The following PITPNC1 variants were observed in gnomAD, a reference collection of about 807,000 sequenced individuals.
PITPNC1 encodes the protein phosphatidylinositol transfer protein cytoplasmic 1, also known as cytoplasmic phosphatidylinositol transfer protein 1.
In PITPNC1, 18 loss-of-function variants were observed where a neutral mutation model predicts 44.7. The ratio of observed to expected loss-of-function variants is 0.40; its 90% CI spans 0.28 to 0.60. The LOEUF (loss-of-function observed/expected upper bound fraction) is 0.60. PITPNC1 is among the 20% of genes least tolerant of loss of function. PITPNC1 has a pLI of 0.39. For missense variants in PITPNC1, 290 were observed against 418.4 expected, an observed-to-expected ratio of 0.69 and a Z score of 2.68; for synonymous variants, 141 against 149.6, an observed-to-expected ratio of 0.94 and a Z score of 0.42.
chr17:67,435,764 A>G (rs1047472813), intron 1 of PITPNC1, among the ~76,000 whole-genome samples: 1 of 152,158 alleles, frequency 6.6e-6, no homozygotes, highest in African/African-American at 2.4e-5. Flanking sequence ...AGGCAGGAGA[A>G]TCGCTTGAAC....
At position 67,429,887 on chromosome 17, in the gene PITPNC1, A is replaced by C. The variant is rs182962508; in HGVS notation, c.48+51685A>C. On this transcript the variant is annotated intron_variant, in intron 1 of 8. Coordinates refer to ENST00000581322, the MANE Select transcript of PITPNC1 (RefSeq NM_012417.4). Reference sequence around the variant, plus strand: ...ATACAATTTCAGTAGTTATGTGATGAATAAATTTAGCTTTCTGAAAACAGA... The same window carrying C: ...ATACAATTTCAGTAGTTATGTGATGCATAAATTTAGCTTTCTGAAAACAGA... Among the ~76,000 whole-genome samples, 504 of 152,328 alleles carry C rather than the reference A, an allele frequency of 3.3e-3. 1 individual carries two copies. Among genetic ancestry groups the C allele is most frequent in the Middle Eastern group, 0.014 (4 of 294 alleles).
In PITPNC1 at chr17:67,437,930, G is replaced by A. The variant is rs546646148; in HGVS notation, c.48+59728G>A. On this transcript the variant is annotated intron_variant, in intron 1 of 8. Transcript: ENST00000581322. ...TAAAAATTACAAAATTTAGCTGGGC[G>A]TGGTGGCACACATCTGTAATCCCAG... is the stretch of plus-strand genomic sequence containing the variant. 5.3e-5 allele frequency among the ~76,000 whole-genome samples: 8 copies of A among 152,174 alleles called. No homozygotes were observed. The South Asian group carries it at 8.3e-4, about 16-fold the overall frequency.
chr17:67,422,774 C>T (rs755752522), intron 1 of PITPNC1, among the ~76,000 whole-genome samples: 3 of 151,972 alleles, frequency 2.0e-5, no homozygotes, highest in Non-Finnish European at 4.4e-5. Context: ...CCTGACCTCA[C>T]GTGATCTGCC....
At chr17:67,432,243 A>G (rs2038867027) in intron 1 of PITPNC1, among the ~76,000 whole-genome samples, 1 of 152,176 alleles carries the variant, frequency 6.6e-6, no homozygotes, top group Admixed American at 6.6e-5. Context: ...TAATCCCAGC[A>G]CTTTGGGAGG....
At chr17:67,631,714 AAC>A (rs2041974968) in intron 5 of PITPNC1, among the ~76,000 whole-genome samples, 1 of 135,904 alleles carries the variant, frequency 7.4e-6, no homozygotes, top group South Asian at 2.4e-4. Flanking sequence ...AATTTTAAAA[AAC>A]ACACACTTTT....
chr17:67,443,927 G>A (rs898074986), intron 1 of PITPNC1, among the ~76,000 whole-genome samples: 2 of 152,044 alleles, frequency 1.3e-5, no homozygotes, highest in African/African-American at 2.4e-5. Context: ...GAGTCACTGC[G>A]CCCGGCCGAC....
intron 1 of PITPNC1, among the ~76,000 whole-genome samples, chr17:67,517,784 A>G (rs1368931765): frequency 1.3e-5 from 2 of 152,200 alleles, no homozygotes; most frequent in Non-Finnish European, 2.9e-5. Flanking sequence ...ATTAGTGGGT[A>G]TGGAGTTTCT....
chr17:67,657,425 C>T (rs2042284231), intron 6 of PITPNC1, among the ~76,000 whole-genome samples: 1 of 152,056 alleles, frequency 6.6e-6, no homozygotes, highest in Non-Finnish European at 1.5e-5. Context: ...GCTTATTTGG[C>T]ACTGGGCTAT....
intron 5 of PITPNC1, among the ~76,000 whole-genome samples, chr17:67,587,362 C>T (rs1475918953): frequency 6.6e-6 from 1 of 151,876 alleles, no homozygotes. Context: ...GACATGGTGG[C>T]ACACACCTGT....
At chr17:67,668,778 C>T (rs949028261) in intron 6 of PITPNC1, among the ~76,000 whole-genome samples, 13 of 138,336 alleles carry the variant, frequency 9.4e-5, no homozygotes, top group African/African-American at 3.1e-4. Context: ...AGGAGAATGG[C>T]GTGAACCCGG....
intron 2 of PITPNC1, among the ~76,000 whole-genome samples, chr17:67,533,477 T>C (rs2144129979): frequency 6.9e-6 from 1 of 144,870 alleles, no homozygotes; most frequent in South Asian, 2.3e-4. Flanking sequence ...GCCACTGCTC[T>C]CCAGCCTGGC....
chr17:67,417,771 G>A (rs1280212358), intron 1 of PITPNC1, among the ~76,000 whole-genome samples: 4 of 152,084 alleles, frequency 2.6e-5, no homozygotes, highest in Admixed American at 6.6e-5. Flanking sequence ...GGCTGGGTGC[G>A]GTGGCTCCTG....
intron 1 of PITPNC1, among the ~76,000 whole-genome samples, chr17:67,530,555 A>T (rs1040815190): frequency 6.6e-6 from 1 of 152,136 alleles, no homozygotes; most frequent in Non-Finnish European, 1.5e-5. Context: ...TAAAGACCCT[A>T]TCTCCAAATA....
chr17:67,682,997 T>C (rs2042739875), intron 8 of PITPNC1, among the ~76,000 whole-genome samples: 2 of 151,792 alleles, frequency 1.3e-5, no homozygotes, highest in African/African-American at 4.8e-5. Context: ...CCGTCACTAC[T>C]AAAAATACAA....
chr17:67,504,061 G>A (rs960968778), intron 1 of PITPNC1, among the ~76,000 whole-genome samples: 8 of 152,152 alleles, frequency 5.3e-5, no homozygotes, highest in African/African-American at 1.9e-4. Context: ...TTGATTCTGT[G>A]CTTTGGGAGA....
chr17:67,511,636 G>T (rs1206014183), intron 1 of PITPNC1, among the ~76,000 whole-genome samples: 1 of 152,098 alleles, frequency 6.6e-6, no homozygotes, highest in Non-Finnish European at 1.5e-5. Context: ...AGCCTCCCGA[G>T]TAGCTGGGAT....
At chr17:67,462,698 ATTTT>A (rs34015766) in intron 1 of PITPNC1, among the ~76,000 whole-genome samples, 5 of 122,352 alleles carry the variant, frequency 4.1e-5, no homozygotes, top group Non-Finnish European at 8.4e-5. Flanking sequence ...CACAATTGGA[ATTTT>A]TTTTTTTTTT....
chr17:67,430,792 A>G (rs1295548787), intron 1 of PITPNC1, among the ~76,000 whole-genome samples: 2 of 139,432 alleles, frequency 1.4e-5, no homozygotes, highest in African/African-American at 5.4e-5. Context: ...TGTCTCTACC[A>G]AAAAAAAAAA....
intron 1 of PITPNC1, among the ~76,000 whole-genome samples, chr17:67,484,463 A>AT (rs2039749997): frequency 6.6e-6 from 1 of 152,234 alleles, no homozygotes; most frequent in African/African-American, 2.4e-5. Context: ...CAGTCGCCAC[A>AT]TAAGCTTGTA....
Sources: allele counts gnomAD v4.1 joint callset (sites outside exome capture counted in the v4.1 genomes callset), GRCh38; gene constraint gnomAD v4.1.1; transcripts MANE v1.5; gene names NCBI Gene and HGNC (gene_info 2026-07-23, HGNC 2026-07-21).